Variants in ARL15 observed in about 807,000 individuals in gnomAD.
The protein encoded by ARL15 is ADP-ribosylation factor-like protein 15.
Under a neutral mutation model 25.2 loss-of-function variants are expected in ARL15, and 19 were observed. That is an observed-to-expected ratio of 0.75 (90% confidence interval 0.53 to 1.10). The LOEUF (loss-of-function observed/expected upper bound fraction) is 1.10. Among genes scored for constraint, ARL15 ranks in the 50% least tolerant of loss-of-function variants. The probability of loss-of-function intolerance (pLI) is 0.00; values close to 1 mark genes in which losing one functional copy is unlikely to be tolerated. For synonymous variants in ARL15, 94 were observed against 86.8 expected (o/e 1.08, Z -0.46); for missense variants, 220 against 246.0 (o/e 0.89, Z 0.71).
intron 1 of ARL15, among the ~76,000 whole-genome samples, chr5:54,232,633 A>C (rs529240774): frequency 6.6e-6 from 1 of 152,272 alleles, no homozygotes; most frequent in African/African-American, 2.4e-5. Flanking sequence ...AGGGGTGCTT[A>C]ATTAAAGACG....
chr5:54,277,517 C>T (rs1018603512), intron 1 of ARL15, among the ~76,000 whole-genome samples: 2 of 152,058 alleles, frequency 1.3e-5, no homozygotes, highest in African/African-American at 4.8e-5. Flanking sequence ...TTTGGGAGGC[C>T]GAGGCGGGCG....
chr5:54,006,659 T>C (rs1047652971), intron 4 of ARL15, among the ~76,000 whole-genome samples: 1 of 152,228 alleles, frequency 6.6e-6, no homozygotes, highest in Non-Finnish European at 1.5e-5. Context: ...CTTTCATTTA[T>C]TTGTTCTAAA....
intron 1 of ARL15, among the ~76,000 whole-genome samples, chr5:54,254,065 T>C (rs1667201382): frequency 6.6e-6 from 1 of 152,190 alleles, no homozygotes; most frequent in East Asian, 1.9e-4. Flanking sequence ...CCAGAAAAAC[T>C]GGACTCTATT....
intron 1 of ARL15, among the ~76,000 whole-genome samples, chr5:54,180,650 G>A (rs975583215): frequency 1.3e-5 from 2 of 152,204 alleles, no homozygotes; most frequent in Non-Finnish European, 2.9e-5. Flanking sequence ...CTTTGGACTG[G>A]AATTGTCCCA....
chr5:54,077,285 G>A (rs931161742), intron 4 of ARL15, among the ~76,000 whole-genome samples: 16 of 152,064 alleles, frequency 1.1e-4, no homozygotes, highest in Non-Finnish European at 2.1e-4. Flanking sequence ...AAAATAACAC[G>A]GAAAACATGG....
chr5:54,269,329 A>C (rs1757717388), intron 1 of ARL15, among the ~76,000 whole-genome samples: 1 of 152,130 alleles, frequency 6.6e-6, no homozygotes. Context: ...TCCCCAGCAG[A>C]ACTTCAATAA....
intron 3 of ARL15, among the ~76,000 whole-genome samples, chr5:54,142,062 G>A (rs1188510462): frequency 6.6e-6 from 1 of 152,168 alleles, no homozygotes; most frequent in African/African-American, 2.4e-5. Flanking sequence ...CTTCTCCTAA[G>A]AGTGGAATGG....
intron 1 of ARL15, among the ~76,000 whole-genome samples, chr5:54,217,463 C>G (rs1756241825): frequency 6.6e-6 from 1 of 151,922 alleles, no homozygotes; most frequent in South Asian, 2.1e-4. Flanking sequence ...AAGGGACCTG[C>G]AAAAAACTAA....
chr5:54,041,708 G>A (rs1317868155), intron 4 of ARL15, among the ~76,000 whole-genome samples: 2 of 152,180 alleles, frequency 1.3e-5, no homozygotes, highest in African/African-American at 2.4e-5. Flanking sequence ...TTATTTTAGC[G>A]TTAGATGGCA....
At chr5:54,134,862 C>A (rs911607054) in intron 3 of ARL15, among the ~76,000 whole-genome samples, 4 of 151,990 alleles carry the variant, frequency 2.6e-5, no homozygotes, top group African/African-American at 9.7e-5. Flanking sequence ...GGATTACAGG[C>A]GTGAGCCACT....
chr5:54,027,028 A>G (rs1259719167), intron 4 of ARL15, among the ~76,000 whole-genome samples: 1 of 152,164 alleles, frequency 6.6e-6, no homozygotes, highest in Admixed American at 6.5e-5. Context: ...TCTGGATATG[A>G]GGCCTCACTT....
chr5:54,146,451 C>A (rs17345514), intron 3 of ARL15, among the ~76,000 whole-genome samples: 15,120 of 152,252 alleles, frequency 0.099, 996 homozygotes, highest in Non-Finnish European at 0.15. Context: ...GTTAAGTGCG[C>A]CCTGCCCAAT....
At chr5:54,016,904 T>A (rs969465886) in intron 4 of ARL15, among the ~76,000 whole-genome samples, 2 of 152,202 alleles carry the variant, frequency 1.3e-5, no homozygotes, top group Non-Finnish European at 2.9e-5. Context: ...TTAAAACAAA[T>A]TTTTGAGAAC....
chr5:54,069,926 C>T (rs369282348), intron 4 of ARL15, among the ~76,000 whole-genome samples: 9 of 151,404 alleles, frequency 5.9e-5, no homozygotes, highest in Admixed American at 3.9e-4. Context: ...CCACCCACCT[C>T]GGCCTCCCAA....
rs1033716547 is a variant in ARL15, at chr5:53,902,735, G to A, written c.463-16022C>T. Among the ~76,000 whole-genome samples the A allele has an allele frequency of 2.6e-5, 4 of 152,154 alleles. No individual in the cohort carries two copies. In the South Asian group the frequency reaches 6.2e-4, roughly 24 times the overall value. On this transcript the variant is annotated intron_variant, in intron 4 of 4. Coordinates refer to ENST00000504924, the MANE Select transcript of ARL15 (RefSeq NM_019087.3). ...TCAGTCACCAATGGAGGGTGCCAAT[G>A]GCCCCGTCCAGATGCAGAGATATTC...
chr5:54,240,505 C>T (rs1419139240), intron 1 of ARL15, among the ~76,000 whole-genome samples: 1 of 152,026 alleles, frequency 6.6e-6, no homozygotes, highest in Non-Finnish European at 1.5e-5. Context: ...TTCACAACAC[C>T]TAAAAGATTG....
rs1401799228 is a variant in ARL15, at chr5:54,114,400, T to A, written c.254-990A>T. Among the ~76,000 whole-genome samples the A allele has an allele frequency of 1.4e-3, 6 of 4,156 alleles. No homozygotes were observed. In the East Asian group the frequency reaches 0.19, roughly 130 times the overall value. 2.7% of individuals were successfully genotyped at this position (4,156 alleles called of 152,430 possible). On this transcript the variant is annotated intron_variant, in intron 3 of 4. Coordinates refer to ENST00000504924, the MANE Select transcript of ARL15 (RefSeq NM_019087.3). ...GCCTGGGCAACACAGCAAGGCTCCA[T>A]CTCAAGAAAAAAAAAAAAAAAAGCA...
chr5:53,973,283 A>G (rs979689726), intron 4 of ARL15, among the ~76,000 whole-genome samples: 1 of 152,114 alleles, frequency 6.6e-6, no homozygotes, highest in African/African-American at 2.4e-5. Flanking sequence ...AAATAAATAT[A>G]AAAAATTAGG....
chr5:54,213,176 C>T (rs1343899556), intron 1 of ARL15, among the ~76,000 whole-genome samples: 2 of 152,200 alleles, frequency 1.3e-5, no homozygotes, highest in African/African-American at 4.8e-5. Flanking sequence ...ATTGCTAAAA[C>T]ACTGGCATTC....
Sources: allele counts gnomAD v4.1 joint callset (sites outside exome capture counted in the v4.1 genomes callset), GRCh38; gene constraint gnomAD v4.1.1; transcripts MANE v1.5; gene names NCBI Gene and HGNC (gene_info 2026-07-23, HGNC 2026-07-21).